The following RUFY4 variants were observed in gnomAD, a reference collection of about 807,000 sequenced individuals.
RUFY4 encodes the protein RUN and FYVE domain containing 4.
In RUFY4, 73 loss-of-function variants were observed where a neutral mutation model predicts 69.0. The observed-to-expected ratio is 1.06, with a 90% CI of 0.88 to 1.29. The LOEUF (loss-of-function observed/expected upper bound fraction) is 1.29. Ranked by LOEUF, RUFY4 falls within the 50% of genes most tolerant of loss-of-function variation. The pLI, the probability that RUFY4 is intolerant of heterozygous loss-of-function variation, is 0.00. For missense variants in RUFY4, 770 were observed against 705.6 expected (o/e 1.09, Z -1.03); for synonymous variants, 287 against 271.8 (o/e 1.06, Z -0.55).
intron 2 of RUFY4, among the ~76,000 whole-genome samples, chr2:218,051,794 T>G (rs564891489): frequency 6.6e-6 from 1 of 152,192 alleles, no homozygotes; most frequent in Non-Finnish European, 1.5e-5. Context: ...ACTGGTCTTC[T>G]ATGTTTGAAA....
rs140186607 is a variant in RUFY4 at position 218,078,423 on chromosome 2, G to C, written c.1355+1890G>C. Among the ~76,000 whole-genome samples the C allele has an allele frequency of 1.6e-4, 24 of 152,274 alleles. No homozygotes were observed. In the East Asian group the frequency reaches 4.4e-3, roughly 28 times the overall value. Reference sequence around the variant, plus strand: ...CCCTGATGGAGGACGGGCAGGGCAGGTTCTAGGAACATCCAAGGAGGCCTT... The same window carrying C: ...CCCTGATGGAGGACGGGCAGGGCAGCTTCTAGGAACATCCAAGGAGGCCTT... On this transcript the variant is annotated intron_variant, in intron 8 of 10. Transcript: ENST00000344321.
At chr2:218,083,425 T>C (rs983905092) in intron 9 of RUFY4, among the ~76,000 whole-genome samples, 169 bp downstream of exon 11, 1 of 152,084 alleles carries the variant, frequency 6.6e-6, no homozygotes, top group African/African-American at 2.4e-5. Flanking sequence ...GTTATCCCCA[T>C]TTTACAGAAA....
rs114699999 is a variant in RUFY4, at chr2:218,044,026, C to T, written c.-1158+8632C>T. 3.3e-3 allele frequency among the ~76,000 whole-genome samples: 503 copies of T among 152,372 alleles called. 3 individuals carry two copies. Among genetic ancestry groups the T allele is most frequent in the African/African-American group, 0.011 (458 of 41,590 alleles). On this transcript the variant is annotated intron_variant and NMD_transcript_variant, in intron 2 of 13. Transcript: ENST00000457754. ...GTGCCCAGGTTCACATGCAACCTTA[C>T]TCCATGATCGGAGTGGGCACCGGGA...
intron 9 of RUFY4, among the ~76,000 whole-genome samples, chr2:218,083,768 G>A (rs992801165): frequency 1.3e-5 from 2 of 151,428 alleles, no homozygotes; most frequent in Admixed American, 6.6e-5. Context: ...GGCAGACTTA[G>A]TCATCTAGGA....
At chr2:218,083,042 C>T (rs1329635286) in intron 8 of RUFY4, 68 bp from the exon 11 acceptor site, 5 of 1,505,290 alleles carry the variant, frequency 3.3e-6, no homozygotes, top group Admixed American at 4.1e-5. Context: ...CTGGAAGAGG[C>T]TCAGCCTAGC....
At chr2:218,036,576 G>A (rs1284905195) in intron 2 of RUFY4, among the ~76,000 whole-genome samples, 13 of 152,206 alleles carry the variant, frequency 8.5e-5, no homozygotes, top group South Asian at 2.1e-4. Context: ...CTTAGATGAC[G>A]TAAAACTTTG....
intron 4 of RUFY4, 115 bp from the exon 7 acceptor site, chr2:218,073,128 T>C: frequency 7.6e-7 from 1 of 1,322,410 alleles, no homozygotes; most frequent in Non-Finnish European, 1.0e-6. Flanking sequence ...AACAGCCTCA[T>C]GACGGTGTGT....
At chr2:218,084,541 C>A (rs932834310) in intron 9 of RUFY4, among the ~76,000 whole-genome samples, 2 of 152,008 alleles carry the variant, frequency 1.3e-5, no homozygotes, top group African/African-American at 4.8e-5. Context: ...AATCCTCTTA[C>A]ACAATATCCA....
At chr2:218,067,592 G>T (rs1176009480), upstream of RUFY4, among the ~76,000 whole-genome samples, 1 of 152,210 alleles carries the variant, frequency 6.6e-6, no homozygotes, top group Non-Finnish European at 1.5e-5. Flanking sequence ...CTGGGATGGA[G>T]CTTGTTCCCC....
rs751563555 is a variant in RUFY4 at position 218,073,416 on chromosome 2, CT to C, written c.530+34del. Reference sequence around the variant, plus strand: ...GTGGGTGCAGCCAGGAGAGAAGTCTCTTTTGACACCTGGTCCCATGGCCACC... The same window carrying C: ...GTGGGTGCAGCCAGGAGAGAAGTCTCTTTGACACCTGGTCCCATGGCCACC... On this transcript the variant is annotated intron_variant, in intron 5 of 10. Coordinates refer to ENST00000344321, the Ensembl canonical transcript of RUFY4. The C allele has an allele frequency of 1.3e-5, 20 of 1,573,162 alleles. 1 individual carries two copies. In the South Asian group the frequency reaches 2.3e-4, roughly 18 times the overall value.
intron 6 of RUFY4, among the ~76,000 whole-genome samples, chr2:218,074,788 A>T (rs4672869): frequency 6.6e-6 from 1 of 151,818 alleles, no homozygotes; most frequent in Non-Finnish European, 1.5e-5. Flanking sequence ...GAAAGGAGTG[A>T]GAGGAACTTA....
intron 2 of RUFY4, among the ~76,000 whole-genome samples, chr2:218,051,123 C>G (rs534104137): frequency 6.6e-5 from 10 of 152,264 alleles, no homozygotes; most frequent in Non-Finnish European, 1.3e-4. Context: ...AATCTTCCCA[C>G]CTCAGCCTCC....
intron 2 of RUFY4, among the ~76,000 whole-genome samples, chr2:218,042,291 A>G (rs1273842731): frequency 6.6e-6 from 1 of 152,244 alleles, no homozygotes; most frequent in Non-Finnish European, 1.5e-5. Context: ...AACTTGTATT[A>G]GTTTCTTAAG....
At position 218,072,373 on chromosome 2, in the gene RUFY4, G is replaced by C. The variant is rs141660306; in HGVS notation, c.154-1G>C. ...CTTTCTTTGCCTCATTTTGGTTCTA[G>C]TTTGACCAGAAAGAGCAGAAGAGCT... is the stretch of plus-strand genomic sequence containing the variant. On this transcript the variant is annotated splice_acceptor_variant, in intron 2 of 10. Transcript: ENST00000344321. LOFTEE classifies it high-confidence loss of function. 1.0e-4 allele frequency: 161 copies of C among 1,537,304 alleles called. No individual in the cohort carries two copies. The highest frequency in any genetic ancestry group is 1.4e-4 in the Non-Finnish European group (156 of 1,146,854).
rs563301008 is a variant in RUFY4 at position 218,089,285 on chromosome 2, T to A, written c.1536T>A (p.His512Gln). ...ACCGCCTGTGGCAGAGGCTCCAGCA[T>A]CTCTCTTCCATGGCTCCCGAGTGCT... Residue 512 changes from histidine (H) to glutamine (Q), a missense_variant, in exon 10 of 11, where the codon CAT becomes CAA. Coordinates refer to ENST00000344321, the Ensembl canonical transcript of RUFY4. 3.7e-6 allele frequency: 6 copies of A among 1,613,728 alleles called. No homozygotes were observed. The African/African-American group carries it at 5.3e-5, about 14-fold the overall frequency.
At chr2:218,054,327 G>A (rs1365265388) in intron 2 of RUFY4, among the ~76,000 whole-genome samples, 1 of 152,084 alleles carries the variant, frequency 6.6e-6, no homozygotes, top group African/African-American at 2.4e-5. Flanking sequence ...GGTCGAGGCG[G>A]GAAGATCACT....
intron 2 of RUFY4, among the ~76,000 whole-genome samples, chr2:218,052,281 T>C (rs12989035): frequency 0.35 from 52,570 of 152,090 alleles, 10,323 homozygotes; most frequent in Middle Eastern, 0.5. Context: ...TGTCCTCCAG[T>C]GTAAGTCGAC....
chr2:218,043,888 C>T lies in RUFY4; in HGVS notation c.-1158+8494C>T, dbSNP rs1249766443. On this transcript the variant is annotated intron_variant and NMD_transcript_variant, in intron 2 of 13. Transcript: ENST00000457754. The stretch of plus-strand genomic sequence containing the variant: ...TGCTGATCTGCCCTCAGCCCCATCT[C>T]GGCTTCCCTCCCATGCTTGTCAGTG... Among the ~76,000 whole-genome samples, 4 of 152,222 alleles carry T rather than the reference C, an allele frequency of 2.6e-5. 1 individual carries two copies. Among genetic ancestry groups the T allele is most frequent in the Admixed American group, 2.0e-4 (3 of 15,280 alleles).
chr2:218,080,883 A>G (rs1689745175), intron 8 of RUFY4, among the ~76,000 whole-genome samples: 1 of 152,020 alleles, frequency 6.6e-6, no homozygotes, highest in East Asian at 1.9e-4. Flanking sequence ...CTGTGTCCAG[A>G]TTTCTGCCCC....
Sources: allele counts gnomAD v4.1 joint callset (sites outside exome capture counted in the v4.1 genomes callset), GRCh38; gene constraint gnomAD v4.1.1; transcripts MANE v1.5; gene names NCBI Gene and HGNC (gene_info 2026-07-23, HGNC 2026-07-21).